Variants in CCDC38 observed in about 807,000 individuals in gnomAD.
The protein encoded by CCDC38 is coiled-coil domain-containing protein 38.
In CCDC38, 69 loss-of-function variants were observed where a neutral mutation model predicts 72.8. The observed-to-expected ratio is 0.95, with a 90% CI of 0.78 to 1.16. The LOEUF is 1.16. Among genes scored for constraint, CCDC38 ranks in the 50% most tolerant of loss-of-function variants. The pLI is 0.00. For synonymous variants in CCDC38, 201 were observed against 213.2 expected (o/e 0.94, Z 0.50); for missense variants, 626 against 638.9 (o/e 0.98, Z 0.22).
chr12:95,907,021 G>A (rs1302007255), intron 4 of CCDC38, among the ~76,000 whole-genome samples: 2 of 151,504 alleles, frequency 1.3e-5, no homozygotes, highest in African/African-American at 4.8e-5. Flanking sequence ...GAGTGGTGAT[G>A]ACTCTTAACG....
At chr12:95,869,817 G>C in intron 14 of CCDC38, 1 of 355,772 alleles carries the variant, frequency 2.8e-6, no homozygotes, top group African/African-American at 3.2e-5. Flanking sequence ...CCAGATCTTG[G>C]TCTATTTTTT....
At chr12:95,937,023 G>A (rs113211599) in intron 1 of CCDC38, among the ~76,000 whole-genome samples, 4,325 of 152,288 alleles carry the variant, frequency 0.028, 88 homozygotes, top group Middle Eastern at 0.041. Context: ...TTAGGTGATT[G>A]AGGCACTCAA....
At chr12:95,913,787 A>G (rs2080118126) in intron 4 of CCDC38, among the ~76,000 whole-genome samples, 1 of 152,196 alleles carries the variant, frequency 6.6e-6, no homozygotes, top group Non-Finnish European at 1.5e-5. Context: ...AATGGCAACA[A>G]TGATTATTAT....
At chr12:95,937,276 C>T (rs1339267378) in intron 1 of CCDC38, among the ~76,000 whole-genome samples, 1 of 152,168 alleles carries the variant, frequency 6.6e-6, no homozygotes, top group Non-Finnish European at 1.5e-5. Context: ...TCCTGGCCCA[C>T]AGAACTTGTC....
At chr12:95,936,607 T>TA in intron 1 of CCDC38, 84 bp from the exon 2 acceptor site, 1 of 1,052,894 alleles carries the variant, frequency 9.5e-7, no homozygotes. Context: ...AATGACTCCT[T>TA]AACAGTCCTT....
intron 4 of CCDC38, among the ~76,000 whole-genome samples, chr12:95,913,986 T>G (rs1349832404): frequency 6.6e-6 from 1 of 152,174 alleles, no homozygotes; most frequent in African/African-American, 2.4e-5. Context: ...AAAATACATA[T>G]GAAATCAGTC....
chr12:95,869,279 T>C (rs767845812), intron 15 of CCDC38, among the ~76,000 whole-genome samples: 16 of 152,208 alleles, frequency 1.1e-4, no homozygotes, highest in Non-Finnish European at 1.9e-4. Flanking sequence ...TTTACTAAAA[T>C]GTGTGTCTAA....
chr12:95,936,444 C>G, intron 2 of CCDC38, 29 bp downstream of exon 2: 1 of 1,607,716 alleles, frequency 6.2e-7, no homozygotes, highest in South Asian at 1.1e-5. Context: ...CAGGCCCAAA[C>G]AAGAATATAT....
intron 1 of CCDC38, among the ~76,000 whole-genome samples, chr12:95,937,276 C>G (rs1339267378): frequency 6.6e-6 from 1 of 152,168 alleles, no homozygotes; most frequent in Non-Finnish European, 1.5e-5. Context: ...TCCTGGCCCA[C>G]AGAACTTGTC....
intron 14 of CCDC38, among the ~76,000 whole-genome samples, chr12:95,871,711 T>C (rs923988717): frequency 4.3e-5 from 2 of 46,324 alleles, no homozygotes; most frequent in African/African-American, 2.0e-4. Context: ...TTGGCAGTTA[T>C]ACACTGCGGA....
chr12:95,932,405 T>A (rs2080347302), intron 2 of CCDC38, among the ~76,000 whole-genome samples: 1 of 152,142 alleles, frequency 6.6e-6, no homozygotes, highest in Non-Finnish European at 1.5e-5. Flanking sequence ...TGTTTCTTCA[T>A]TTTTTGGTGT....
Position 95,880,483 on chromosome 12 carries a change from G to A in CCDC38, c.991-688C>T, listed in dbSNP as rs116182053. 9.7e-3 allele frequency among the ~76,000 whole-genome samples: 1,481 copies of A among 152,104 alleles called. 21 individuals are homozygous for A. Among genetic ancestry groups the A allele is most frequent in the African/African-American group, 0.022 (925 of 41,500 alleles). ...AGCCTGAGCAAGAGGGTGAAACCCC[G>A]ACTCTACTAGAAATACAAAAATTAG... On this transcript the variant is annotated intron_variant, in intron 11 of 15. Coordinates refer to ENST00000344280, the MANE Select transcript of CCDC38 (RefSeq NM_182496.3).
intron 4 of CCDC38, among the ~76,000 whole-genome samples, chr12:95,915,718 A>G (rs531106864): frequency 1.3e-5 from 2 of 152,332 alleles, no homozygotes; most frequent in African/African-American, 4.8e-5. Context: ...TTAAGTTAAA[A>G]TGTCCAAATT....
intron 2 of CCDC38, among the ~76,000 whole-genome samples, chr12:95,922,960 G>A (rs1052926978): frequency 2.0e-5 from 3 of 152,176 alleles, no homozygotes; most frequent in Non-Finnish European, 2.9e-5. Flanking sequence ...GGTGAGATTA[G>A]CATTTGAATT....
At chr12:95,912,424 A>C (rs1024526528) in intron 4 of CCDC38, among the ~76,000 whole-genome samples, 3 of 152,110 alleles carry the variant, frequency 2.0e-5, no homozygotes, top group Non-Finnish European at 4.4e-5. Flanking sequence ...ACCTCATAGA[A>C]GTAGAGAGTA....
At chr12:95,939,082 G>T (rs1260356047) in intron 1 of CCDC38, among the ~76,000 whole-genome samples, 1 of 152,172 alleles carries the variant, frequency 6.6e-6, no homozygotes, top group Non-Finnish European at 1.5e-5. Flanking sequence ...CTTTCAAGAG[G>T]AATGATGCAA....
At chr12:95,903,459 T>C (rs1444819639) in intron 5 of CCDC38, 2 of 700,380 alleles carry the variant, frequency 2.9e-6, no homozygotes, top group Middle Eastern at 2.9e-4. Flanking sequence ...ATCCTTGCCT[T>C]GTTCCTAATC....
At chr12:95,916,194 A>G (rs898124269) in intron 4 of CCDC38, among the ~76,000 whole-genome samples, 6 of 152,190 alleles carry the variant, frequency 3.9e-5, no homozygotes, top group Non-Finnish European at 8.8e-5. Context: ...CTGCTTTTAC[A>G]TACAATTATA....
chr12:95,920,607 C>G (rs957504474), intron 2 of CCDC38, among the ~76,000 whole-genome samples: 2 of 151,906 alleles, frequency 1.3e-5, no homozygotes, highest in African/African-American at 2.4e-5. Flanking sequence ...AACAAAGGAC[C>G]ACACATTATA....
Sources: allele counts gnomAD v4.1 joint callset (sites outside exome capture counted in the v4.1 genomes callset), GRCh38; gene constraint gnomAD v4.1.1; transcripts MANE v1.5; gene names NCBI Gene and HGNC (gene_info 2026-07-23, HGNC 2026-07-21).